The following ITGB3 variants were observed in gnomAD, a reference collection of about 807,000 sequenced individuals.
ITGB3 encodes integrin beta-3.
Under a neutral mutation model 85.8 loss-of-function variants are expected in ITGB3, and 48 were observed. That is an observed-to-expected ratio of 0.56 (90% confidence interval 0.44 to 0.71). The LOEUF (loss-of-function observed/expected upper bound fraction) is 0.71, where lower values mean the gene tolerates loss of function less well. Ranked by LOEUF, ITGB3 falls within the 30% of genes least tolerant of loss-of-function variation. The probability of loss-of-function intolerance (pLI) is 0.00; values close to 1 mark genes in which losing one functional copy is unlikely to be tolerated. For missense variants in ITGB3, 861 were observed against 1,019.1 expected, an observed-to-expected ratio of 0.84 and a Z score of 2.11; for synonymous variants, 363 against 395.6, an observed-to-expected ratio of 0.92 and a Z score of 0.98.
At chr17:47,295,717 C>T (rs773063713) in intron 10 of ITGB3, among the ~76,000 whole-genome samples, 6 of 143,364 alleles carry the variant, frequency 4.2e-5, no homozygotes, top group Non-Finnish European at 8.9e-5. Flanking sequence ...CCTGTGGTGT[C>T]GGTCTTTCCC....
At chr17:47,278,021 A>G (rs976001065) in intron 2 of ITGB3, among the ~76,000 whole-genome samples, 1 of 152,222 alleles carries the variant, frequency 6.6e-6, no homozygotes, top group African/African-American at 2.4e-5. Context: ...TATAATATTA[A>G]GAGTGCTCCT....
Position 47,290,740 on chromosome 17 carries a change from C to T in ITGB3, c.1126-214C>T, listed in dbSNP as rs138134302. 1.4e-4 allele frequency among the ~76,000 whole-genome samples: 22 copies of T among 152,158 alleles called. No homozygotes were observed. The East Asian group carries it at 2.9e-3, about 20-fold the overall frequency. On this transcript the variant is annotated intron_variant, in intron 8 of 14. Transcript: ENST00000559488. ...TACATTTTACCCAGACTCACCTAGACGCAAGTGGAGATGGAAAGAGGGAGC... is the reference window on the plus strand; with the variant it reads ...TACATTTTACCCAGACTCACCTAGATGCAAGTGGAGATGGAAAGAGGGAGC...
chr17:47,258,026 C>A (rs1036637593), intron 1 of ITGB3, among the ~76,000 whole-genome samples: 8 of 152,208 alleles, frequency 5.3e-5, no homozygotes, highest in African/African-American at 1.9e-4. Context: ...GTCCCAAGAA[C>A]CCTTCTTCCC....
chr17:47,262,410 A>G (rs1386390099), intron 1 of ITGB3, among the ~76,000 whole-genome samples: 1 of 152,204 alleles, frequency 6.6e-6, no homozygotes, highest in Middle Eastern at 3.2e-3. Flanking sequence ...AACTCTTGAG[A>G]TGCAGCGTTT....
intron 1 of ITGB3, among the ~76,000 whole-genome samples, chr17:47,264,274 G>C (rs7219925): frequency 0.26 from 40,229 of 151,976 alleles, 5,582 homozygotes; most frequent in African/African-American, 0.32. Context: ...GGCCCACTTA[G>C]CCACTCCAGA....
intron 12 of ITGB3, among the ~76,000 whole-genome samples, chr17:47,301,717 A>G (rs2065167986): frequency 6.6e-6 from 1 of 152,310 alleles, no homozygotes; most frequent in Non-Finnish European, 1.5e-5. Flanking sequence ...ATAGCTTGTA[A>G]AAGTTATAAA....
intron 1 of ITGB3, among the ~76,000 whole-genome samples, chr17:47,256,435 T>G (rs934361866): frequency 3.3e-5 from 5 of 151,942 alleles, no homozygotes; most frequent in Non-Finnish European, 5.9e-5. Context: ...CAGTAGTGTT[T>G]AAGGGCAGGG....
intron 1 of ITGB3, among the ~76,000 whole-genome samples, chr17:47,259,603 ATAT>A (rs1420339608): frequency 6.6e-6 from 1 of 152,184 alleles, no homozygotes; most frequent in South Asian, 2.1e-4. Context: ...AAAATAACAA[ATAT>A]TGTTATTTCT....
chr17:47,292,785 T>A (rs532736984), intron 10 of ITGB3, among the ~76,000 whole-genome samples: 2 of 152,364 alleles, frequency 1.3e-5, no homozygotes, highest in African/African-American at 2.4e-5. Flanking sequence ...TTTATAGACT[T>A]AGAAAACACA....
chr17:47,269,144 C>G (rs1319479726), intron 1 of ITGB3, among the ~76,000 whole-genome samples: 1 of 152,172 alleles, frequency 6.6e-6, no homozygotes, highest in Non-Finnish European at 1.5e-5. Context: ...AGCAGGGAGG[C>G]CCTGGGCCCA....
Position 47,266,306 on chromosome 17 carries a change from C to T in ITGB3, c.80-8113C>T, listed in dbSNP as rs140112585. ...ACACCTCTTACTGTGACTTAGCCCT[C>T]TCCTGTAGTCCCCTGTCCTCATTAG... On this transcript the variant is annotated intron_variant, in intron 1 of 14. Transcript: ENST00000559488. Among the ~76,000 whole-genome samples the T allele has an allele frequency of 9.7e-4, 148 of 152,332 alleles. 2 individuals carry two copies. The highest frequency in any genetic ancestry group is 3.4e-3 in the Middle Eastern group (1 of 294).
In ITGB3 at chr17:47,313,504, G is replaced by A. The variant is rs1416709274; in HGVS notation, c.*3300G>A. ...TGGGATTACAGGCACCTGCCACCAC[G>A]CCCGGCTAATTTCTTTTTGTATTTT... On this transcript the variant is annotated 3_prime_UTR_variant, in exon 15 of 15. Coordinates refer to ENST00000559488, the MANE Select transcript of ITGB3 (RefSeq NM_000212.3). Among the ~76,000 whole-genome samples the A allele has an allele frequency of 4.0e-5, 6 of 150,396 alleles. No individual in the cohort carries two copies. Among genetic ancestry groups the A allele is most frequent in the Non-Finnish European group, 8.9e-5 (6 of 67,500 alleles).
chr17:47,265,992 C>G (rs1287637402), intron 1 of ITGB3, among the ~76,000 whole-genome samples: 1 of 152,178 alleles, frequency 6.6e-6, no homozygotes, highest in African/African-American at 2.4e-5. Flanking sequence ...TTAGCTGATG[C>G]TACATTTAAG....
chr17:47,254,012 G>A, intron 1 of ITGB3, 72 bp downstream of exon 1: 1 of 1,041,618 alleles, frequency 9.6e-7, no homozygotes, highest in Non-Finnish European at 1.3e-6. Flanking sequence ...TGCGGACTTG[G>A]AGCCGGCAAA....
intron 1 of ITGB3, among the ~76,000 whole-genome samples, chr17:47,270,501 G>A (rs1404620892): frequency 6.6e-6 from 1 of 152,188 alleles, no homozygotes; most frequent in Non-Finnish European, 1.5e-5. Context: ...AGAAGTCTTG[G>A]GTTGCATTGT....
intron 1 of ITGB3, among the ~76,000 whole-genome samples, chr17:47,262,373 G>A (rs2065011498): frequency 6.6e-6 from 1 of 152,190 alleles, no homozygotes; most frequent in Non-Finnish European, 1.5e-5. Flanking sequence ...TGAATGAGGT[G>A]GGGTCGATGC....
At chr17:47,258,740 G>C (rs189114416) in intron 1 of ITGB3, among the ~76,000 whole-genome samples, 1 of 152,184 alleles carries the variant, frequency 6.6e-6, no homozygotes, top group African/African-American at 2.4e-5. Context: ...ACTGTGCCAG[G>C]TGCCCCCCCA....
chr17:47,295,552 G>A (rs2065142704), intron 10 of ITGB3, among the ~76,000 whole-genome samples: 1 of 152,128 alleles, frequency 6.6e-6, no homozygotes, highest in Admixed American at 6.5e-5. Context: ...CCAAGGCTTG[G>A]GGTCAGCCTG....
intron 2 of ITGB3, 137 bp downstream of exon 2, chr17:47,274,641 T>C (rs1399532382): frequency 1.1e-5 from 8 of 752,990 alleles, no homozygotes; most frequent in Non-Finnish European, 1.6e-5. Flanking sequence ...GATGAATTTT[T>C]CCCATTGATG....
Sources: gnomAD v4.1 joint callset for allele counts (sites outside exome capture counted in the v4.1 genomes callset) on GRCh38, gnomAD v4.1.1 for gene constraint, MANE v1.5 for transcripts, NCBI Gene and HGNC (gene_info 2026-07-23, HGNC 2026-07-21) for gene names.